MTMR9: variants seen among roughly 807,000 people sequenced by gnomAD.
MTMR9 encodes myotubularin-related protein 9.
In MTMR9, 39 loss-of-function variants were observed where a neutral mutation model predicts 69.5. That is an observed-to-expected ratio of 0.56 (90% CI 0.43 to 0.73). MTMR9 has a LOEUF of 0.73. MTMR9 is among the 30% of genes least tolerant of loss of function. The pLI is 0.00. For missense variants in MTMR9, 900 were observed against 671.2 expected, an observed-to-expected ratio of 1.34 and a Z score of -3.77; for synonymous variants, 354 against 240.8, an observed-to-expected ratio of 1.47 and a Z score of -4.35.
At chr8:11,332,948 G>C (rs544499540), downstream of MTMR9, among the ~76,000 whole-genome samples, 5 of 152,230 alleles carry the variant, frequency 3.3e-5, no homozygotes, top group East Asian at 9.7e-4. Context: ...CAAATTTGAA[G>C]ATAGGATTAT....
Position 11,314,927 on chromosome 8 carries a change from G to A in MTMR9, c.976G>A (p.Gly326Arg), listed in dbSNP as rs1460798259. 1 of 1,613,482 alleles carries A rather than the reference G, an allele frequency of 6.2e-7. No individual in the cohort carries two copies. Among genetic ancestry groups the A allele is most frequent in the Non-Finnish European group, 8.5e-7 (1 of 1,179,628 alleles). The change falls in exon 7 of 10, where the codon GGA becomes AGA. Residue 326 changes from glycine (G) to arginine (R), a missense_variant. Coordinates refer to ENST00000221086, the MANE Select transcript of MTMR9 (RefSeq NM_015458.4). ...CLAAQCIDREGASILIHGTEG... is the reference protein window; with the variant it reads ...CLAAQCIDRERASILIHGTEG... ...CTTCCCTGATTTTCCTATCAGGGAA[G>A]GAGCATCAATATTGATTCACGGAAC...
chr8:11,308,140 C>A (rs1004987785), intron 5 of MTMR9, among the ~76,000 whole-genome samples: 3 of 152,078 alleles, frequency 2.0e-5, no homozygotes, highest in African/African-American at 7.2e-5. Flanking sequence ...AAGCTTTTTC[C>A]TTATGTTTTC....
Position 11,322,727 on chromosome 8 carries a change from A to T in MTMR9, c.1589A>T (p.Asn530Ile), listed in dbSNP as rs543380653. ...AATAAAGAATTACAAGCAAAAGTCAATATCCTTCGAAGGCAGTTGGCAGAA... is the reference window on the plus strand; with the variant it reads ...AATAAAGAATTACAAGCAAAAGTCATTATCCTTCGAAGGCAGTTGGCAGAA... Reference protein sequence around the residue: ...EYNKELQAKVNILRRQLAELE... With the variant: ...EYNKELQAKVIILRRQLAELE... Residue 530 changes from asparagine to isoleucine, a missense_variant, in exon 10 of 10, where the codon AAT becomes ATT. Coordinates refer to ENST00000221086, the MANE Select transcript of MTMR9 (RefSeq NM_015458.4). 2.5e-6 allele frequency: 4 copies of T among 1,614,140 alleles called. No individual in the cohort carries two copies. Among genetic ancestry groups the T allele is most frequent in the East Asian group, 2.2e-5 (1 of 44,882 alleles).
intron 3 of MTMR9, among the ~76,000 whole-genome samples, chr8:11,302,344 A>G (rs539541435): frequency 6.6e-6 from 1 of 150,596 alleles, no homozygotes; most frequent in Non-Finnish European, 1.5e-5. Flanking sequence ...ATGGTTGATA[A>G]TTCTCCAGAA....
At chr8:11,305,992 G>A (rs186068510) in intron 4 of MTMR9, among the ~76,000 whole-genome samples, 198 bp from the exon 5 acceptor site, 5 of 152,286 alleles carry the variant, frequency 3.3e-5, no homozygotes, top group Admixed American at 2.6e-4. Flanking sequence ...GAGAAATTGT[G>A]TAAAAGCTTA....
chr8:11,297,479 A>G (rs1401331325), intron 2 of MTMR9, among the ~76,000 whole-genome samples: 2 of 151,952 alleles, frequency 1.3e-5, no homozygotes, highest in Admixed American at 1.3e-4. Flanking sequence ...GCATTTGGGC[A>G]GAGGAACATT....
chr8:11,300,194 A>G (rs1447278237), intron 3 of MTMR9, 46 bp downstream of exon 3: 6 of 1,595,484 alleles, frequency 3.8e-6, no homozygotes, highest in Non-Finnish European at 5.1e-6. Flanking sequence ...GTAACCCAAT[A>G]CCTTATTTGA....
At chr8:11,304,714 C>A in intron 3 of MTMR9, 127 bp from the exon 4 acceptor site, 1 of 897,524 alleles carries the variant, frequency 1.1e-6, no homozygotes, top group Middle Eastern at 2.8e-4. Context: ...AGAGATCCAC[C>A]TGTGAAATTC....
rs1295556530 is a variant in MTMR9, at chr8:11,326,375, C to G, written c.*3587C>G. 1.3e-5 allele frequency: 2 copies of G among 152,154 alleles called. No individual in the cohort carries two copies. The highest frequency in any genetic ancestry group is 4.8e-5 in the African/African-American group (2 of 41,440). 9.4% of individuals were successfully genotyped at this position (152,154 alleles called of 1,614,324 possible). A position where few individuals can be genotyped will look rare whatever the true frequency, so the allele number is the denominator to read the frequency against. Reference sequence around the variant, plus strand: ...CTTTATCAGAAAGGTATTTCCTGGACCAGAAATGGGCAATAGTTACAATAG... The same window carrying G: ...CTTTATCAGAAAGGTATTTCCTGGAGCAGAAATGGGCAATAGTTACAATAG... On this transcript the variant is annotated 3_prime_UTR_variant, in exon 10 of 10. Coordinates refer to ENST00000221086, the MANE Select transcript of MTMR9 (RefSeq NM_015458.4).
Position 11,316,675 on chromosome 8 carries a change from T to A in MTMR9, c.1116T>A (p.Ala372=), listed in dbSNP as rs201395604. The change falls in exon 8 of 10, where the codon GCT becomes GCA. Residue 372 remains alanine (A), a splice_region_variant and synonymous_variant. Coordinates refer to ENST00000221086, the MANE Select transcript of MTMR9 (RefSeq NM_015458.4). ...EALIEREWLQ[A]GHPFQQRCAQ... is the part of the protein sequence containing the mutation. ...TCACGCCTCCATCTTCCCCCTAGGC[T>A]GGTCACCCATTCCAGCAGCGCTGTG... 594 of 1,597,432 alleles carry A rather than the reference T, an allele frequency of 3.7e-4. No homozygotes were observed. Among genetic ancestry groups the A allele is most frequent in the Non-Finnish European group, 4.9e-4 (570 of 1,172,704 alleles).
intron 2 of MTMR9, among the ~76,000 whole-genome samples, chr8:11,296,726 G>A (rs1172996614): frequency 6.6e-6 from 1 of 152,068 alleles, no homozygotes; most frequent in Non-Finnish European, 1.5e-5. Flanking sequence ...TTAAGGCTGA[G>A]TAATATTCCA....
intron 5 of MTMR9, among the ~76,000 whole-genome samples, chr8:11,308,412 T>G (rs898801469): frequency 7.9e-5 from 12 of 152,226 alleles, no homozygotes; most frequent in African/African-American, 2.7e-4. Flanking sequence ...TTTATGCCAG[T>G]GCCAAGCTGT....
the MTMR9 span, among the ~76,000 whole-genome samples, chr8:11,338,021 G>A: frequency 2.6e-5 from 4 of 152,256 alleles, no homozygotes; most frequent in Non-Finnish European, 5.9e-5. Flanking sequence ...ATATGTCCAA[G>A]GAGAACATGT....
chr8:11,313,737 C>G (rs779353756), intron 6 of MTMR9, among the ~76,000 whole-genome samples: 1 of 152,152 alleles, frequency 6.6e-6, no homozygotes, highest in Non-Finnish European at 1.5e-5. Context: ...AGTTCACTGT[C>G]TTATATGGAC....
At chr8:11,285,320 C>G (rs1799109356) in intron 1 of MTMR9, 2 of 389,108 alleles carry the variant, frequency 5.1e-6, no homozygotes, top group African/African-American at 2.1e-5. Context: ...ATTTCTGGTT[C>G]GTAACACCAT....
chr8:11,296,832 G>GT (rs1440341251), intron 2 of MTMR9, among the ~76,000 whole-genome samples: 1 of 152,016 alleles, frequency 6.6e-6, no homozygotes, highest in Non-Finnish European at 1.5e-5. Context: ...TTTGTTTTTA[G>GT]TAATCTGAAT....
Position 11,298,723 on chromosome 8 carries a change from C to A in MTMR9, c.292-1300C>A, listed in dbSNP as rs566366263. ...TATGGTATCCTTTCCCCGCTGCACC[C>A]CCCCCCCGCCATCCAGTATAGAAAT... On this transcript the variant is annotated intron_variant, in intron 2 of 9. Coordinates refer to ENST00000221086, the MANE Select transcript of MTMR9 (RefSeq NM_015458.4). The A allele has an allele frequency of 2.5e-5, 22 of 877,956 alleles. 1 individual carries two copies. Among genetic ancestry groups the A allele is most frequent in the South Asian group, 1.1e-4 (2 of 18,634 alleles). 54.4% of individuals were successfully genotyped at this position (877,956 alleles called of 1,614,324 possible).
At chr8:11,301,763 G>A (rs967409442) in intron 3 of MTMR9, among the ~76,000 whole-genome samples, 2 of 152,044 alleles carry the variant, frequency 1.3e-5, no homozygotes, top group East Asian at 1.9e-4. Flanking sequence ...CTAAAAAGAA[G>A]ATAAAAGAAT....
downstream of MTMR9, among the ~76,000 whole-genome samples, chr8:11,330,073 C>T (rs1296866664): frequency 4.6e-5 from 7 of 150,850 alleles, no homozygotes; most frequent in South Asian, 4.2e-4. Flanking sequence ...GGAGCGTCTC[C>T]GCCTGGCAGC....
Sources: gnomAD v4.1 joint callset for allele counts (sites outside exome capture counted in the v4.1 genomes callset) on GRCh38, gnomAD v4.1.1 for gene constraint, MANE v1.5 for transcripts, NCBI Gene and HGNC (gene_info 2026-07-23, HGNC 2026-07-21) for gene names.